Variants in IL1RAPL1 observed in about 807,000 individuals in gnomAD.
IL1RAPL1 encodes the protein interleukin-1 receptor accessory protein-like 1.
In IL1RAPL1, 3 loss-of-function variants were observed where a neutral mutation model predicts 48.4. That is an observed-to-expected ratio of 0.06 (90% confidence interval 0.03 to 0.16). The LOEUF is 0.16. IL1RAPL1 is among the 10% of genes least tolerant of loss of function. The pLI is 1.00. For synonymous variants in IL1RAPL1, 185 were observed against 187.7 expected (o/e 0.99, Z 0.12); for missense variants, 349 against 530.6 (o/e 0.66, Z 3.36).
intron 2 of IL1RAPL1, among the ~76,000 whole-genome samples, chrX:28,812,719 A>T (rs1011739768): frequency 9.0e-6 from 1 of 111,237 alleles, no homozygotes; most frequent in African/African-American, 3.3e-5. Context: ...ATATTACCTA[A>T]CATAAAACAA....
At chrX:29,236,673 C>T (rs1255944746) in intron 2 of IL1RAPL1, among the ~76,000 whole-genome samples, 1 of 104,699 alleles carries the variant, frequency 9.6e-6, no homozygotes, top group African/African-American at 3.5e-5. Flanking sequence ...CTGCATTCTC[C>T]TGCCTCAGCC....
At chrX:29,121,874 A>G (rs1406351639) in intron 2 of IL1RAPL1, among the ~76,000 whole-genome samples, 1 of 112,126 alleles carries the variant, frequency 8.9e-6, no homozygotes, top group Non-Finnish European at 1.9e-5. Flanking sequence ...ACTTCCAGTT[A>G]AAAAACTTAT....
At chrX:29,463,413 A>G (rs1934825569) in intron 5 of IL1RAPL1, among the ~76,000 whole-genome samples, 1 of 112,211 alleles carries the variant, frequency 8.9e-6, no homozygotes, top group Non-Finnish European at 1.9e-5. Context: ...CCATGACTAA[A>G]GTACCGGCAG....
chrX:29,764,238 G>A (rs189555821), intron 6 of IL1RAPL1, among the ~76,000 whole-genome samples: 2 of 111,751 alleles, frequency 1.8e-5, no homozygotes, highest in East Asian at 2.8e-4. Flanking sequence ...GGCACAAGAC[G>A]CCAAGGCTTA....
At chrX:29,115,054 T>C (rs1928651852) in intron 2 of IL1RAPL1, among the ~76,000 whole-genome samples, 1 of 112,441 alleles carries the variant, frequency 8.9e-6, no homozygotes, top group African/African-American at 3.2e-5. Flanking sequence ...TCTACTATGT[T>C]TACATTTCCA....
chrX:28,716,301 A>G (rs1263652334), intron 1 of IL1RAPL1, among the ~76,000 whole-genome samples: 1 of 111,699 alleles, frequency 9.0e-6, no homozygotes, highest in Non-Finnish European at 1.9e-5. Flanking sequence ...CACCACTCAT[A>G]TTCAACATAG....
At chrX:29,918,804 A>T (rs1932824370) in intron 7 of IL1RAPL1, among the ~76,000 whole-genome samples, 1 of 112,262 alleles carries the variant, frequency 8.9e-6, no homozygotes. Context: ...TTAAGTATCA[A>T]TTATAATTCA....
Position 28,792,827 on chromosome X carries a change from A to ATATG in IL1RAPL1, c.82+3405_82+3406insGTAT, listed in dbSNP as rs1365069709. Among the ~76,000 whole-genome samples, 29 of 56,707 alleles carry ATATG rather than the reference A, an allele frequency of 5.1e-4. 1 individual carries two copies. The highest frequency in any genetic ancestry group is 8.0e-4 in the Non-Finnish European group (27 of 33,924). The allele number at this position is 56,707 out of a possible 115,157, so 49.2% of individuals were successfully genotyped here. A position where few individuals can be genotyped will look rare whatever the true frequency, so the allele number is the denominator to read the frequency against. ...AAAAAAAAAAAAAAAATATATATAT[A>ATATG]TATATATATATATATATATATATAA... On this transcript the variant is annotated intron_variant, in intron 2 of 10. Transcript: ENST00000378993.
At chrX:29,170,323 T>C (rs1017961589) in intron 2 of IL1RAPL1, among the ~76,000 whole-genome samples, 1 of 111,781 alleles carries the variant, frequency 8.9e-6, no homozygotes, top group Non-Finnish European at 1.9e-5. Flanking sequence ...CATGACTTTC[T>C]TTATCTGAAG....
chrX:29,802,981 A>G (rs1338881550), intron 6 of IL1RAPL1, among the ~76,000 whole-genome samples: 3 of 63,106 alleles, frequency 4.8e-5, no homozygotes, highest in Non-Finnish European at 8.7e-5. Flanking sequence ...ATATACATAC[A>G]TGTGTACATA....
At chrX:29,203,566 C>T (rs1930599455) in intron 2 of IL1RAPL1, among the ~76,000 whole-genome samples, 1 of 108,562 alleles carries the variant, frequency 9.2e-6, no homozygotes, top group Non-Finnish European at 1.9e-5. Context: ...ACTAAAAATA[C>T]AAATTAGTTG....
chrX:28,856,810 C>A (rs936783756), intron 2 of IL1RAPL1, among the ~76,000 whole-genome samples: 2 of 111,304 alleles, frequency 1.8e-5, no homozygotes, highest in African/African-American at 6.5e-5. Context: ...GAAATTAAGT[C>A]AATTAATAAT....
intron 2 of IL1RAPL1, among the ~76,000 whole-genome samples, chrX:29,065,346 C>T (rs1927432037): frequency 9.0e-6 from 1 of 111,224 alleles, no homozygotes; most frequent in Non-Finnish European, 1.9e-5. Flanking sequence ...TATGCTATCC[C>T]ACTGTGATCA....
At chrX:29,443,258 C>CTCTCTCTCTCTG (rs1934570714) in intron 5 of IL1RAPL1, among the ~76,000 whole-genome samples, 1 of 110,200 alleles carries the variant, frequency 9.1e-6, no homozygotes, top group Non-Finnish European at 1.9e-5. Flanking sequence ...CTCTCTCTCT[C>CTCTCTCTCTCTG]TGTCTCAATC....
In IL1RAPL1 at chrX:29,955,915, A is replaced by G; in HGVS notation, c.*95A>G. The G allele has an allele frequency of 1.5e-6, 1 of 673,824 alleles. No individual in the cohort carries two copies. The highest frequency in any genetic ancestry group is 2.4e-6 in the Non-Finnish European group (1 of 414,200). The allele number at this position is 673,824 out of a possible 1,213,427, so 55.5% of individuals were successfully genotyped here. A position where few individuals can be genotyped will look rare whatever the true frequency, so the allele number is the denominator to read the frequency against. ...TCCTCGACTGCTGCTGTTAAAAAAC[A>G]TGCATTAGAATCTCTAGAACACGAG... On this transcript the variant is annotated 3_prime_UTR_variant, in exon 11 of 11. Coordinates refer to ENST00000378993, the MANE Select transcript of IL1RAPL1 (RefSeq NM_014271.4).
chrX:29,246,207 C>CAATCA, intron 2 of IL1RAPL1, among the ~76,000 whole-genome samples: 1 of 91,452 alleles, frequency 1.1e-5, no homozygotes, highest in Middle Eastern at 7.2e-3. Context: ...ATGCCTTTAG[C>CAATCA]AATCAATGCC....
chrX:29,944,211 G>C (rs1487000022), intron 9 of IL1RAPL1, among the ~76,000 whole-genome samples: 1 of 111,668 alleles, frequency 9.0e-6, no homozygotes, highest in African/African-American at 3.3e-5. Context: ...GGGGCAGGGG[G>C]AAGCAAAGAC....
intron 2 of IL1RAPL1, among the ~76,000 whole-genome samples, chrX:28,820,558 T>C (rs758165601): frequency 8.9e-6 from 1 of 112,044 alleles, no homozygotes; most frequent in South Asian, 3.7e-4. Flanking sequence ...ATACAAATAG[T>C]AAATGTACAT....
intron 2 of IL1RAPL1, among the ~76,000 whole-genome samples, chrX:29,110,541 C>T (rs189326620): frequency 1.8e-5 from 2 of 111,492 alleles, no homozygotes; most frequent in Admixed American, 9.6e-5. Flanking sequence ...AAGGTGGTTT[C>T]GAGACGTTTT....
Sources: allele counts gnomAD v4.1 joint callset (sites outside exome capture counted in the v4.1 genomes callset), GRCh38; gene constraint gnomAD v4.1.1; transcripts MANE v1.5; gene names NCBI Gene and HGNC (gene_info 2026-07-23, HGNC 2026-07-21).